The following ADCY2 variants were observed in gnomAD, a reference collection of about 807,000 sequenced individuals.
ADCY2 encodes the protein adenylate cyclase 2, also known as adenylate cyclase type 2.
ADCY2 carries 31 observed loss-of-function variants against 125.2 expected under a neutral mutation model. The ratio of observed to expected loss-of-function variants is 0.25; its 90% CI spans 0.19 to 0.33. ADCY2 has a LOEUF of 0.33. Among genes scored for constraint, ADCY2 ranks in the 10% least tolerant of loss-of-function variants. The probability of loss-of-function intolerance (pLI) is 1.00; values close to 1 mark genes in which losing one functional copy is unlikely to be tolerated. For synonymous variants in ADCY2, 512 were observed against 548.4 expected (o/e 0.93, Z 0.93); for missense variants, 904 against 1,418.2 (o/e 0.64, Z 5.82).
chr5:7,652,072 G>T (rs1182621725), intron 4 of ADCY2, among the ~76,000 whole-genome samples: 1 of 152,140 alleles, frequency 6.6e-6, no homozygotes, highest in African/African-American at 2.4e-5. Context: ...AAAGTGCTGG[G>T]ATTACAGGCG....
At chr5:7,398,187 A>G (rs982066485) in intron 1 of ADCY2, among the ~76,000 whole-genome samples, 1 of 152,176 alleles carries the variant, frequency 6.6e-6, no homozygotes, top group Non-Finnish European at 1.5e-5. Flanking sequence ...GCAGGTGATG[A>G]CCTATTTATA....
chr5:7,648,180 C>A (rs1738966628), intron 4 of ADCY2, among the ~76,000 whole-genome samples: 1 of 152,078 alleles, frequency 6.6e-6, no homozygotes. Context: ...ACTGTATCTC[C>A]AATTTTGACT....
intron 24 of ADCY2, among the ~76,000 whole-genome samples, chr5:7,823,889 C>T (rs4702502): frequency 0.54 from 82,019 of 151,810 alleles, 22,490 homozygotes; most frequent in Middle Eastern, 0.62. Flanking sequence ...AAGCTCCATG[C>T]GACTCAGGGC....
chr5:7,672,150 A>C (rs1342614040), intron 4 of ADCY2, among the ~76,000 whole-genome samples: 1 of 152,016 alleles, frequency 6.6e-6, no homozygotes, highest in Non-Finnish European at 1.5e-5. Flanking sequence ...AAGCTACCAC[A>C]CTCTCCTTCT....
intron 5 of ADCY2, chr5:7,691,630 C>G (rs1347085129): frequency 6.6e-6 from 1 of 152,248 alleles, no homozygotes; most frequent in Non-Finnish European, 1.5e-5. Flanking sequence ...CCCACCCAGA[C>G]CGTCTCGATT....
chr5:7,566,984 A>G (rs1198496954), intron 3 of ADCY2, among the ~76,000 whole-genome samples: 1 of 152,188 alleles, frequency 6.6e-6, no homozygotes, highest in Non-Finnish European at 1.5e-5. Context: ...AATAATTCTA[A>G]GTAGATTATA....
chr5:7,740,614 C>T (rs1197309653), intron 14 of ADCY2, among the ~76,000 whole-genome samples: 1 of 151,890 alleles, frequency 6.6e-6, no homozygotes, highest in Non-Finnish European at 1.5e-5. Context: ...ATAATAGAGG[C>T]CACAATCTCT....
At chr5:7,620,766 G>A (rs779697658) in intron 3 of ADCY2, among the ~76,000 whole-genome samples, 13 of 152,108 alleles carry the variant, frequency 8.5e-5, no homozygotes, top group Non-Finnish European at 1.5e-4. Context: ...TCATGTCCTT[G>A]TCTTCCCTTT....
At chr5:7,776,919 T>C (rs1383955007) in intron 18 of ADCY2, among the ~76,000 whole-genome samples, 1 of 152,168 alleles carries the variant, frequency 6.6e-6, no homozygotes, top group Non-Finnish European at 1.5e-5. Flanking sequence ...GCTGCACTGT[T>C]GGTTTCCCTG....
At chr5:7,525,278 A>C (rs1734419549) in intron 3 of ADCY2, among the ~76,000 whole-genome samples, 2 of 152,192 alleles carry the variant, frequency 1.3e-5, no homozygotes, top group Non-Finnish European at 2.9e-5. Flanking sequence ...AAGTGCTAGG[A>C]TTACAGGCAT....
At chr5:7,785,787 G>A (rs182768382) in intron 19 of ADCY2, among the ~76,000 whole-genome samples, 13 of 152,246 alleles carry the variant, frequency 8.5e-5, no homozygotes, top group Admixed American at 7.2e-4. Flanking sequence ...GCTTTTTCCT[G>A]CTAGAATCAT....
chr5:7,521,335 A>G (rs555190652), intron 3 of ADCY2, among the ~76,000 whole-genome samples: 56 of 152,230 alleles, frequency 3.7e-4, no homozygotes, highest in African/African-American at 1.3e-3. Context: ...TTATTTTAAA[A>G]TTTTCTATCA....
intron 2 of ADCY2, among the ~76,000 whole-genome samples, chr5:7,446,644 T>G (rs1254427611): frequency 1.4e-4 from 22 of 152,186 alleles, no homozygotes; most frequent in Admixed American, 1.4e-3. Flanking sequence ...AGTCTTGTTT[T>G]TATAGGTGAG....
intron 24 of ADCY2, among the ~76,000 whole-genome samples, chr5:7,822,857 A>G (rs1343917558): frequency 6.6e-6 from 1 of 152,224 alleles, no homozygotes; most frequent in Admixed American, 6.5e-5. Context: ...AATTTATATG[A>G]AAGTCACCGG....
At chr5:7,421,479 T>C (rs948009020) in intron 2 of ADCY2, among the ~76,000 whole-genome samples, 1 of 152,234 alleles carries the variant, frequency 6.6e-6, no homozygotes, top group African/African-American at 2.4e-5. Context: ...CCTCTTCTTA[T>C]AGTGACACCA....
intron 24 of ADCY2, among the ~76,000 whole-genome samples, chr5:7,825,561 C>T (rs1440640128): frequency 1.3e-5 from 2 of 152,256 alleles, no homozygotes; most frequent in African/African-American, 4.8e-5. Flanking sequence ...GAGGAGATTG[C>T]TCCTTTGTGC....
At chr5:7,453,799 T>A (rs1741563572) in intron 2 of ADCY2, among the ~76,000 whole-genome samples, 1 of 152,074 alleles carries the variant, frequency 6.6e-6, no homozygotes, top group Non-Finnish European at 1.5e-5. Flanking sequence ...GAGGGGAGCA[T>A]GCAGAGTGTG....
intron 3 of ADCY2, among the ~76,000 whole-genome samples, chr5:7,591,112 A>G (rs1736838588): frequency 6.6e-6 from 1 of 152,172 alleles, no homozygotes; most frequent in Non-Finnish European, 1.5e-5. Flanking sequence ...TTTAATTAGA[A>G]TAGTTTATGG....
Position 7,744,752 on chromosome 5 carries a change from A to T in ADCY2, c.1956+1000A>T, listed in dbSNP as rs13179598. Among the ~76,000 whole-genome samples, 485 of 152,380 alleles carry T rather than the reference A, an allele frequency of 3.2e-3. 1 individual carries two copies. Among genetic ancestry groups the T allele is most frequent in the Middle Eastern group, 0.01 (3 of 294 alleles). The stretch of plus-strand genomic sequence containing the variant: ...TGGGCATTCTCAAGAGAAGCTTCAG[A>T]GATTTTTTTAATAAAAATTTTTACA... On this transcript the variant is annotated intron_variant, in intron 15 of 24. Transcript: ENST00000338316.
Sources: allele counts gnomAD v4.1 joint callset (sites outside exome capture counted in the v4.1 genomes callset), GRCh38; gene constraint gnomAD v4.1.1; transcripts MANE v1.5; gene names NCBI Gene and HGNC (gene_info 2026-07-23, HGNC 2026-07-21).